RGS7: variants seen among roughly 807,000 people sequenced by gnomAD.
RGS7 encodes regulator of G-protein signaling 7.
Under a neutral mutation model 81.1 loss-of-function variants are expected in RGS7, and 27 were observed. The observed-to-expected ratio is 0.33, with a 90% CI of 0.25 to 0.46. RGS7 has a LOEUF of 0.46. RGS7 is among the 20% of genes least tolerant of loss of function. The pLI is 1.00. For synonymous variants in RGS7, 208 were observed against 207.7 expected (o/e 1.00, Z -0.01); for missense variants, 396 against 607.4 (o/e 0.65, Z 3.66).
In RGS7 at chr1:240,806,223, C is replaced by G; in HGVS notation, c.1186G>C (p.Ala396Pro). Residue 396 changes from alanine (A) to proline (P), a missense_variant, in exon 15 of 19, where the codon GCT (alanine) becomes CCT (proline). Transcript: ENST00000440928. ...QEFLAPGAPS[A>P]INLDSKSYDK... is the part of the protein sequence containing the mutation. ...TAACTCTTGGAATCCAAGTTAATAG[C>G]ACTGGGGGCTCCGGGAGCCAGAAAC... 1 of 1,614,016 alleles carries G rather than the reference C, an allele frequency of 6.2e-7. No homozygotes were observed. The highest frequency in any genetic ancestry group is 8.5e-7 in the Non-Finnish European group (1 of 1,179,946).
chr1:240,816,311 A>C lies in RGS7; in HGVS notation c.783+6T>G, dbSNP rs2103118903. On this transcript the variant is annotated splice_donor_region_variant and intron_variant, in intron 11 of 18. Transcript: ENST00000440928. ...CTTTAACAGGTCATCTCATAGGTTG[A>C]CTCACCTGTTGTTGTAACTCATCTT... 6.3e-7 allele frequency: 1 copy of C among 1,583,580 alleles called. No individual in the cohort carries two copies. The highest frequency in any genetic ancestry group is 1.7e-5 in the Admixed American group (1 of 59,966).
chr1:241,065,128 T>C (rs1272038333), intron 3 of RGS7, among the ~76,000 whole-genome samples: 2 of 151,884 alleles, frequency 1.3e-5, no homozygotes, highest in Admixed American at 6.6e-5. Context: ...TCTGTGTGAG[T>C]CTTGATTTTC....
At position 240,972,615 on chromosome 1, in the gene RGS7, G is replaced by A. The variant is rs1019171115; in HGVS notation, c.226+10464C>T. ...AATGCTAGATGACGCATTAGTGGGT[G>A]CAGCGCACCAGCATGGCACATGTAT... On this transcript the variant is annotated intron_variant, in intron 4 of 18. Coordinates refer to ENST00000440928, the MANE Select transcript of RGS7 (RefSeq NM_001364886.1). Among the ~76,000 whole-genome samples the A allele has an allele frequency of 1.3e-3, 189 of 142,860 alleles. 1 individual carries two copies. Among genetic ancestry groups the A allele is most frequent in the African/African-American group, 4.8e-3 (184 of 38,526 alleles). 93.7% of individuals were successfully genotyped at this position (142,860 alleles called of 152,430 possible). A position where few individuals can be genotyped will look rare whatever the true frequency, so the allele number is the denominator to read the frequency against.
At chr1:240,912,150 CAAAAAAAAAAAAAA>C (rs374318547) in intron 6 of RGS7, among the ~76,000 whole-genome samples, 3 of 55,782 alleles carry the variant, frequency 5.4e-5, no homozygotes, top group Non-Finnish European at 8.5e-5. Context: ...GATTCTGTCT[CAAAAAAAAAAAAAA>C]AAAAAAAAAA....
intron 3 of RGS7, among the ~76,000 whole-genome samples, chr1:241,017,531 G>A (rs566611610): frequency 1.5e-4 from 22 of 151,010 alleles, no homozygotes; most frequent in Non-Finnish European, 2.1e-4. Flanking sequence ...GTGTATATAC[G>A]AGTTTAGTCT....
intron 6 of RGS7, among the ~76,000 whole-genome samples, chr1:240,928,259 T>TC (rs919298330): frequency 2.0e-5 from 3 of 152,198 alleles, no homozygotes; most frequent in African/African-American, 7.2e-5. Flanking sequence ...GTCTGTAAGT[T>TC]CCCCAATAAA....
chr1:241,283,475 G>A (rs1038794892), intron 2 of RGS7, among the ~76,000 whole-genome samples: 9 of 151,994 alleles, frequency 5.9e-5, no homozygotes, highest in Non-Finnish European at 1.2e-4. Context: ...ATTTCCTTCT[G>A]GCTTCCAATG....
intron 2 of RGS7, among the ~76,000 whole-genome samples, chr1:241,194,415 C>T (rs1243503433): frequency 6.6e-6 from 1 of 152,142 alleles, no homozygotes; most frequent in Non-Finnish European, 1.5e-5. Context: ...GGTGCTAAAT[C>T]AGATGAAATT....
chr1:241,306,866 G>A (rs2080201984), intron 2 of RGS7, among the ~76,000 whole-genome samples: 1 of 152,152 alleles, frequency 6.6e-6, no homozygotes, highest in Non-Finnish European at 1.5e-5. Flanking sequence ...TAGATGCCTA[G>A]TTTGGAACAG....
At chr1:241,128,060 C>T (rs113125072) in intron 2 of RGS7, among the ~76,000 whole-genome samples, 1 of 151,944 alleles carries the variant, frequency 6.6e-6, no homozygotes, top group Non-Finnish European at 1.5e-5. Context: ...GGGTGGATCA[C>T]GAGGTCAGGA....
At chr1:240,869,346 C>T (rs1445771487) in intron 7 of RGS7, among the ~76,000 whole-genome samples, 1 of 152,160 alleles carries the variant, frequency 6.6e-6, no homozygotes, top group Non-Finnish European at 1.5e-5. Flanking sequence ...GCACAAATGA[C>T]AGCAGATGAC....
intron 5 of RGS7, among the ~76,000 whole-genome samples, chr1:240,932,928 G>T (rs1330230439): frequency 7.9e-6 from 1 of 125,918 alleles, no homozygotes; most frequent in Non-Finnish European, 1.6e-5. Context: ...CTGTCGCCCA[G>T]GCTGGACTGC....
chr1:241,330,650 G>C lies in RGS7; in HGVS notation c.78+25049C>G, dbSNP rs553744069. On this transcript the variant is annotated intron_variant, in intron 2 of 18. Transcript: ENST00000440928. ...AAAAGTTCCACTGTACACTCTATTA[G>C]TCAAGCTACCCCTATAGCTATATTT... Among the ~76,000 whole-genome samples, 214 of 152,274 alleles carry C rather than the reference G, an allele frequency of 1.4e-3. 11 individuals are homozygous for C. In the South Asian group the frequency reaches 0.043, roughly 30 times the overall value.
chr1:240,989,850 G>T (rs1192809451), intron 3 of RGS7, among the ~76,000 whole-genome samples: 2 of 152,122 alleles, frequency 1.3e-5, no homozygotes, highest in Non-Finnish European at 2.9e-5. Flanking sequence ...TTGCAAAAAG[G>T]TACCCAGAAC....
chr1:240,993,515 T>C (rs1476606202), intron 3 of RGS7, among the ~76,000 whole-genome samples: 1 of 152,210 alleles, frequency 6.6e-6, no homozygotes, highest in African/African-American at 2.4e-5. Flanking sequence ...CATCCTTTTC[T>C]GTGAAACGTC....
At chr1:241,155,159 GC>G (rs1429862306) in intron 2 of RGS7, among the ~76,000 whole-genome samples, 1 of 152,012 alleles carries the variant, frequency 6.6e-6, no homozygotes, top group Non-Finnish European at 1.5e-5. Context: ...TCACTGTCTT[GC>G]CTATGCTGGA....
chr1:241,009,916 C>T (rs1234871151), intron 3 of RGS7, among the ~76,000 whole-genome samples: 3 of 152,132 alleles, frequency 2.0e-5, no homozygotes, highest in Non-Finnish European at 2.9e-5. Context: ...CCATCATTCT[C>T]AGTAAACTAT....
At chr1:240,814,676 T>G (rs772486879) in intron 12 of RGS7, 40 bp downstream of exon 12, 1 of 1,276,096 alleles carries the variant, frequency 7.8e-7, no homozygotes, top group Admixed American at 1.7e-5. Context: ...AATTGTCATA[T>G]GAAATTTTAA....
intron 2 of RGS7, among the ~76,000 whole-genome samples, chr1:241,352,573 C>A (rs1472582629): frequency 6.6e-6 from 1 of 152,240 alleles, no homozygotes; most frequent in East Asian, 1.9e-4. Context: ...CAAAAACCTA[C>A]TGGCCAACAT....
Sources: allele counts gnomAD v4.1 joint callset (sites outside exome capture counted in the v4.1 genomes callset), GRCh38; gene constraint gnomAD v4.1.1; transcripts MANE v1.5; gene names NCBI Gene and HGNC (gene_info 2026-07-23, HGNC 2026-07-21).